Variants in ZNF536 observed in about 807,000 individuals in gnomAD.
ZNF536 encodes zinc finger protein 536.
ZNF536 carries 13 observed loss-of-function variants against 84.5 expected under a neutral mutation model. The ratio of observed to expected loss-of-function variants is 0.15; its 90% CI spans 0.10 to 0.24. The LOEUF is 0.24. Ranked by LOEUF, ZNF536 falls within the 10% of genes least tolerant of loss-of-function variation. The pLI, the probability that ZNF536 is intolerant of heterozygous loss-of-function variation, is 1.00. For missense variants in ZNF536, 1,536 were observed against 1,747.5 expected (o/e 0.88, Z 2.16); for synonymous variants, 811 against 742.5 (o/e 1.09, Z -1.50).
intron 2 of ZNF536, among the ~76,000 whole-genome samples, chr19:30,527,051 C>T (rs1034277849): frequency 2.0e-5 from 3 of 151,436 alleles, no homozygotes; most frequent in Non-Finnish European, 4.4e-5. Context: ...CCCGAATAGC[C>T]GGGACTACAG....
intron 1 of ZNF536, among the ~76,000 whole-genome samples, chr19:30,619,951 C>T (rs572891767): frequency 2.6e-5 from 4 of 151,856 alleles, no homozygotes; most frequent in South Asian, 4.2e-4. Context: ...TCTGCTTTCA[C>T]GAGCAAGAGT....
chr19:30,712,958 G>C (rs547042483), exon 2 of ZNF536: 2 of 147,010 alleles, frequency 1.4e-5, no homozygotes, highest in African/African-American at 2.5e-5. Flanking sequence ...AAAAAAAAAA[G>C]AAAAAAGAAA....
intron 4 of ZNF536, among the ~76,000 whole-genome samples, chr19:30,553,441 G>T (rs980226044): frequency 6.6e-6 from 1 of 152,240 alleles, no homozygotes; most frequent in Non-Finnish European, 1.5e-5. Flanking sequence ...CTTACTCCTT[G>T]CCTTTCAAAC....
rs1568476442 is a variant in ZNF536, at chr19:30,484,679, CTT to C, written c.2170+38948_2170+38949del. 2.8e-3 allele frequency among the ~76,000 whole-genome samples: 419 copies of C among 148,826 alleles called. 3 individuals are homozygous for C. The highest frequency in any genetic ancestry group is 9.9e-3 in the African/African-American group (397 of 40,174). ...CACTTTCTTTTTTCTTCTTCTTCTT[CTT>C]CTTCTTTTTTTTTTTTTGTCTTCTC... is the stretch of plus-strand genomic sequence containing the variant. On this transcript the variant is annotated intron_variant, in intron 2 of 4. Transcript: ENST00000355537.
chr19:30,228,163 C>G (rs1406255407), upstream of ZNF536: 1 of 151,812 alleles, frequency 6.6e-6, no homozygotes. This position sits in a 1 kb window ranked among gnomAD's most constrained non-coding sequence, Gnocchi z 4.5. Flanking sequence ...CGGCTTTGCT[C>G]TCTGCTGGGG....
At chr19:30,527,566 G>A (rs1052689696) in intron 2 of ZNF536, among the ~76,000 whole-genome samples, 1 of 150,960 alleles carries the variant, frequency 6.6e-6, no homozygotes, top group Admixed American at 6.6e-5. Context: ...GACTATATAT[G>A]GCCACCATAA....
chr19:30,489,305 G>A (rs2054416229), intron 2 of ZNF536, among the ~76,000 whole-genome samples: 1 of 152,212 alleles, frequency 6.6e-6, no homozygotes, highest in African/African-American at 2.4e-5. Flanking sequence ...ACAAGCTGAG[G>A]TGTGGTGCTC....
intron 1 of ZNF536, among the ~76,000 whole-genome samples, chr19:30,655,463 A>T (rs991170218): frequency 6.6e-6 from 1 of 152,182 alleles, no homozygotes; most frequent in African/African-American, 2.4e-5. Flanking sequence ...GCTGGAAGTC[A>T]TTGAATGGGG....
chr19:30,530,533 A>C (rs2044761837), intron 2 of ZNF536, among the ~76,000 whole-genome samples: 1 of 151,978 alleles, frequency 6.6e-6, no homozygotes, highest in South Asian at 2.1e-4. Context: ...TTTTAGTAGA[A>C]ATGGCGTTTT....
chr19:30,445,071 C>T lies in ZNF536; in HGVS notation c.1509C>T (p.Ile503=), dbSNP rs2052255237. The T allele has an allele frequency of 1.2e-6, 2 of 1,613,640 alleles. No homozygotes were observed. The highest frequency in any genetic ancestry group is 1.1e-5 in the South Asian group (1 of 91,076). Residue 503 remains isoleucine, a synonymous_variant, in exon 2 of 5, where the codon ATC becomes ATT. Coordinates refer to ENST00000355537, the MANE Select transcript of ZNF536 (RefSeq NM_014717.3). The surrounding 1 kb of genome is among the most constrained non-coding windows in gnomAD (Gnocchi z 4.5). The part of the protein sequence containing the change: ...NLVPPLKSSC[I]ERLQAAAKAA... The stretch of plus-strand genomic sequence containing the variant: ...TGCCGCCGCTGAAATCCAGCTGCAT[C>T]GAGCGGCTGCAGGCGGCTGCCAAGG...
chr19:30,405,180 C>G (rs1600591599), intron 1 of ZNF536, among the ~76,000 whole-genome samples: 1 of 152,104 alleles, frequency 6.6e-6, no homozygotes, highest in Non-Finnish European at 1.5e-5. Flanking sequence ...CATACATATC[C>G]TTCAGAATAT....
At chr19:30,497,080 T>C (rs2054750901) in intron 2 of ZNF536, among the ~76,000 whole-genome samples, 1 of 152,170 alleles carries the variant, frequency 6.6e-6, no homozygotes, top group South Asian at 2.1e-4. Context: ...TTTGCTCTCC[T>C]TAAATGCCAG....
chr19:30,438,660 T>A (rs182490418), intron 1 of ZNF536, among the ~76,000 whole-genome samples: 151 of 152,318 alleles, frequency 9.9e-4, no homozygotes, highest in African/African-American at 3.5e-3. Context: ...TTTGAAATTT[T>A]AAAAAATTAT....
intron 2 of ZNF536, among the ~76,000 whole-genome samples, chr19:30,523,254 C>T (rs915108944): frequency 1.3e-5 from 2 of 152,162 alleles, no homozygotes; most frequent in Admixed American, 6.5e-5. Flanking sequence ...TTACATATGA[C>T]GCGTTGCTTT....
At chr19:30,592,314 A>G (rs760999563) in intron 1 of ZNF536, among the ~76,000 whole-genome samples, 9 of 152,118 alleles carry the variant, frequency 5.9e-5, no homozygotes, top group Non-Finnish European at 1.0e-4. Flanking sequence ...GGTACCCAAC[A>G]CCCCAGGAAT....
intron 1 of ZNF536, among the ~76,000 whole-genome samples, chr19:30,580,290 C>T (rs978203598): frequency 6.6e-6 from 1 of 152,296 alleles, no homozygotes; most frequent in African/African-American, 2.4e-5. Context: ...GTTTGTGCTA[C>T]AGGGAAGGGC....
intron 2 of ZNF536, among the ~76,000 whole-genome samples, chr19:30,453,727 G>C (rs1042952108): frequency 1.3e-5 from 2 of 152,230 alleles, no homozygotes; most frequent in African/African-American, 4.8e-5. Context: ...ACCATCTTCA[G>C]CTACCTGATG....
At chr19:30,629,672 A>G (rs1204510502) in intron 1 of ZNF536, among the ~76,000 whole-genome samples, 1 of 152,240 alleles carries the variant, frequency 6.6e-6, no homozygotes, top group Non-Finnish European at 1.5e-5. Flanking sequence ...AAAGGGTGCT[A>G]TGACCTGTCC....
chr19:30,403,097 C>A (rs897591646), intron 1 of ZNF536, among the ~76,000 whole-genome samples: 1 of 152,062 alleles, frequency 6.6e-6, no homozygotes, highest in Admixed American at 6.6e-5. Flanking sequence ...GAGGAGAACA[C>A]CGCTGCTGAC....
Sources: gnomAD v4.1 joint callset for allele counts (sites outside exome capture counted in the v4.1 genomes callset) on GRCh38, gnomAD v4.1.1 for gene constraint, Gnocchi (gnomAD v3.1) non-coding constraint, MANE v1.5 for transcripts, NCBI Gene and HGNC (gene_info 2026-07-23, HGNC 2026-07-21) for gene names.